Variants in KLF17 observed in about 807,000 individuals in gnomAD.
KLF17 encodes Krueppel-like factor 17.
Under a neutral mutation model 34.2 loss-of-function variants are expected in KLF17, and 31 were observed. The observed-to-expected ratio is 0.91, with a 90% CI of 0.68 to 1.22. The LOEUF is 1.22. KLF17 is among the 50% of genes most tolerant of loss of function. The pLI is 0.00. For missense variants in KLF17, 478 were observed against 505.2 expected, an observed-to-expected ratio of 0.95 and a Z score of 0.52; for synonymous variants, 179 against 186.7, an observed-to-expected ratio of 0.96 and a Z score of 0.34.
the KLF17 span, among the ~76,000 whole-genome samples, chr1:44,093,419 A>C: frequency 3.3e-5 from 5 of 152,160 alleles, no homozygotes; most frequent in African/African-American, 1.2e-4. Context: ...TTTGAGACGG[A>C]GTTTCACTCT....
chr1:44,064,180 C>T, the KLF17 span, among the ~76,000 whole-genome samples: 9 of 152,124 alleles, frequency 5.9e-5, 1 homozygote, highest in South Asian at 1.9e-3. Flanking sequence ...AACATGGCAA[C>T]AAGGGAAAAA....
At chr1:44,077,793 G>A in the KLF17 span, among the ~76,000 whole-genome samples, 1 of 152,206 alleles carries the variant, frequency 6.6e-6, no homozygotes, top group Non-Finnish European at 1.5e-5. Flanking sequence ...AAACCAGGCA[G>A]CAGTGTATGG....
chr1:44,047,772 A>G, the KLF17 span, among the ~76,000 whole-genome samples: 4 of 152,148 alleles, frequency 2.6e-5, no homozygotes, highest in Admixed American at 2.0e-4. Context: ...ATAGAAACAC[A>G]TGGGTAGCTT....
the KLF17 span, among the ~76,000 whole-genome samples, chr1:44,099,903 A>AAGAAAGAAAGAAAGAG: frequency 1.4e-5 from 1 of 69,336 alleles, no homozygotes; most frequent in African/African-American, 4.7e-5. Flanking sequence ...GAAAGAAAGA[A>AAGAAAGAAAGAAAGAG]AGAAAGAAAG....
the KLF17 span, among the ~76,000 whole-genome samples, chr1:44,065,537 G>A: frequency 6.6e-6 from 1 of 150,472 alleles, no homozygotes; most frequent in Non-Finnish European, 1.5e-5. Flanking sequence ...AGCCTCCCGA[G>A]TAGACGGGAT....
the KLF17 span, among the ~76,000 whole-genome samples, chr1:44,065,914 A>G: frequency 1.3e-5 from 2 of 152,344 alleles, no homozygotes; most frequent in African/African-American, 4.8e-5. Flanking sequence ...AGAAAAAGAA[A>G]CATGAATGGG....
the KLF17 span, among the ~76,000 whole-genome samples, chr1:44,095,356 C>T: frequency 6.6e-6 from 1 of 151,898 alleles, no homozygotes; most frequent in African/African-American, 2.4e-5. Context: ...GCTGGGATTA[C>T]AGGCATGCGC....
the KLF17 span, among the ~76,000 whole-genome samples, chr1:44,099,845 GAAAGAA>G: frequency 2.8e-5 from 1 of 35,960 alleles, no homozygotes; most frequent in Non-Finnish European, 5.0e-5. Flanking sequence ...AAGAAAGAAA[GAAAGAA>G]AGAAAGAAAG....
At chr1:44,048,186 C>T in the KLF17 span, 1 of 152,144 alleles carries the variant, frequency 6.6e-6, no homozygotes, top group Non-Finnish European at 1.5e-5. Flanking sequence ...AAAACCAAAG[C>T]TTGGAGGTAG....
chr1:44,118,845 G>A lies in KLF17; in HGVS notation c.-63G>A. On this transcript the variant is annotated 5_prime_UTR_variant, in exon 1 of 4. Coordinates refer to ENST00000372299, the MANE Select transcript of KLF17 (RefSeq NM_173484.4). The stretch of plus-strand genomic sequence containing the variant: ...CGTGGCGATGTACCGATACCCGCCT[G>A]CGACGCCGTGGTGGCTGGTTCCCTG... The A allele has an allele frequency of 3.0e-6, 4 of 1,316,344 alleles. No individual in the cohort carries two copies. Among genetic ancestry groups the A allele is most frequent in the Non-Finnish European group, 4.1e-6 (4 of 966,064 alleles). 81.5% of individuals were successfully genotyped at this position (1,316,344 alleles called of 1,614,324 possible). A position where few individuals can be genotyped will look rare whatever the true frequency, so the allele number is the denominator to read the frequency against.
chr1:44,059,513 G>A, the KLF17 span, among the ~76,000 whole-genome samples: 1 of 152,160 alleles, frequency 6.6e-6, no homozygotes, highest in East Asian at 1.9e-4. Flanking sequence ...AGGGTGCACA[G>A]TTCTACCTTC....
the KLF17 span, among the ~76,000 whole-genome samples, chr1:44,085,521 G>A: frequency 3.9e-5 from 6 of 152,050 alleles, no homozygotes; most frequent in African/African-American, 2.4e-5. Flanking sequence ...AGTTGGACAC[G>A]GTGGCTCACG....
the KLF17 span, among the ~76,000 whole-genome samples, chr1:44,083,752 C>A: frequency 6.8e-6 from 1 of 147,422 alleles, no homozygotes; most frequent in Non-Finnish European, 1.5e-5. Context: ...CAAGATGGCA[C>A]CACTGTATTC....
rs2088087030 is a variant in KLF17, at chr1:44,130,033, G to T, written c.762G>T (p.Gln254His). 6.2e-7 allele frequency: 1 copy of T among 1,614,088 alleles called. No homozygotes were observed. Among genetic ancestry groups the T allele is most frequent in the Non-Finnish European group, 8.5e-7 (1 of 1,180,052 alleles). Reference sequence around the variant, plus strand: ...AAGAAGGCCCATTTCTACCAGAGCAGCCCGGACCTGCTCCACAGACAGTAG... The same window carrying T: ...AAGAAGGCCCATTTCTACCAGAGCATCCCGGACCTGCTCCACAGACAGTAG... ...DSQEGPFLPEQPGPAPQTVEK... is the reference protein window; with the variant it reads ...DSQEGPFLPEHPGPAPQTVEK... The change falls in exon 2 of 4, where the codon CAG becomes CAT. Residue 254 changes from glutamine to histidine, a missense_variant. Physicochemically the swap from Gln to His is conservative, Grantham distance 24 (BLOSUM62 0). Coordinates refer to ENST00000372299, the MANE Select transcript of KLF17 (RefSeq NM_173484.4).
the KLF17 span, among the ~76,000 whole-genome samples, chr1:44,099,865 GAAAGAAAGAAA>G: frequency 6.1e-5 from 3 of 49,400 alleles, 1 homozygote; most frequent in African/African-American, 1.9e-4. Flanking sequence ...AAGAAAGAAA[GAAAGAAAGAAA>G]GAAAGAAAGA....
intron 1 of KLF17, among the ~76,000 whole-genome samples, chr1:44,126,125 A>G (rs2088005366): frequency 6.6e-6 from 1 of 151,596 alleles, no homozygotes; most frequent in Non-Finnish European, 1.5e-5. Context: ...CCGGGTTCAC[A>G]CCATTCTCCT....
chr1:44,097,067 C>T, the KLF17 span, among the ~76,000 whole-genome samples: 1 of 152,110 alleles, frequency 6.6e-6, no homozygotes, highest in Non-Finnish European at 1.5e-5. Flanking sequence ...TTTCTTAACA[C>T]CATTGATTAA....
chr1:44,128,798 A>C (rs1488922908), intron 1 of KLF17, among the ~76,000 whole-genome samples: 1 of 152,148 alleles, frequency 6.6e-6, no homozygotes, highest in Non-Finnish European at 1.5e-5. Flanking sequence ...AGATCACCTG[A>C]GGTCAGGAGC....
the KLF17 span, among the ~76,000 whole-genome samples, chr1:44,045,764 C>G: frequency 6.6e-6 from 1 of 152,196 alleles, no homozygotes; most frequent in South Asian, 2.1e-4. Context: ...CTTTCACACA[C>G]AACCCAGTGT....
Sources: allele counts gnomAD v4.1 joint callset (sites outside exome capture counted in the v4.1 genomes callset), GRCh38; gene constraint gnomAD v4.1.1; transcripts MANE v1.5; gene names NCBI Gene and HGNC (gene_info 2026-07-23, HGNC 2026-07-21).